Variants in PLD5 observed in about 807,000 individuals in gnomAD.
PLD5 encodes phospholipase D family member 5, also known as inactive phospholipase D5.
In PLD5, 36 loss-of-function variants were observed where a neutral mutation model predicts 61.1. That is an observed-to-expected ratio of 0.59 (90% CI 0.45 to 0.78). The LOEUF is 0.78. PLD5 is among the 30% of genes least tolerant of loss of function. The probability of loss-of-function intolerance (pLI) is 0.00; values close to 1 mark genes in which losing one functional copy is unlikely to be tolerated. For missense variants in PLD5, 515 were observed against 644.4 expected (o/e 0.80, Z 2.17); for synonymous variants, 243 against 242.8 (o/e 1.00, Z -0.01).
At chr1:242,255,283 T>C (rs76447663) in intron 4 of PLD5, among the ~76,000 whole-genome samples, 22 of 152,300 alleles carry the variant, frequency 1.4e-4, no homozygotes, top group Admixed American at 1.3e-3. Flanking sequence ...TACCAAATTA[T>C]ACTTATAAGG....
chr1:242,349,540 T>A (rs576492853), intron 1 of PLD5, among the ~76,000 whole-genome samples: 1 of 152,350 alleles, frequency 6.6e-6, no homozygotes, highest in East Asian at 1.9e-4. Flanking sequence ...TTTTAAAATC[T>A]GAACATAAAC....
At chr1:242,331,468 C>G (rs12074066) in intron 2 of PLD5, among the ~76,000 whole-genome samples, 1,565 of 152,226 alleles carry the variant, frequency 0.01, 16 homozygotes, top group African/African-American at 0.035. Context: ...CTCTGAGAAG[C>G]CTTGTCTTAA....
chr1:242,121,656 G>A (rs891695907), intron 6 of PLD5, among the ~76,000 whole-genome samples: 1 of 152,024 alleles, frequency 6.6e-6, no homozygotes, highest in African/African-American at 2.4e-5. Flanking sequence ...GTTTATTGCG[G>A]CGCTATTCAC....
chr1:242,369,460 A>C (rs2149244805), intron 1 of PLD5, among the ~76,000 whole-genome samples: 1 of 152,318 alleles, frequency 6.6e-6, no homozygotes, highest in Non-Finnish European at 1.5e-5. Context: ...TATTTGTGAA[A>C]AAAATGGGAA....
At chr1:242,500,126 A>G (rs1366869077) in intron 1 of PLD5, among the ~76,000 whole-genome samples, 2 of 152,182 alleles carry the variant, frequency 1.3e-5, no homozygotes, top group African/African-American at 4.8e-5. Flanking sequence ...CACATAGTGT[A>G]GCTTTTGTCA....
At chr1:242,169,392 A>G (rs556276609) in intron 5 of PLD5, among the ~76,000 whole-genome samples, 1 of 152,188 alleles carries the variant, frequency 6.6e-6, no homozygotes, top group Admixed American at 6.5e-5. Context: ...AATCTGAGGA[A>G]CCATGCACTC....
chr1:242,172,726 A>G (rs1053157204), intron 5 of PLD5, among the ~76,000 whole-genome samples: 1 of 152,200 alleles, frequency 6.6e-6, no homozygotes, highest in African/African-American at 2.4e-5. Flanking sequence ...AATACAAACT[A>G]CCATCAGAGA....
intron 5 of PLD5, among the ~76,000 whole-genome samples, chr1:242,138,723 C>A (rs1316330635): frequency 2.0e-5 from 3 of 152,188 alleles, no homozygotes; most frequent in Non-Finnish European, 4.4e-5. Context: ...GGGCTACATC[C>A]CATATCCTCC....
intron 2 of PLD5, among the ~76,000 whole-genome samples, chr1:242,330,216 C>G (rs571257683): frequency 7.2e-5 from 11 of 152,266 alleles, no homozygotes; most frequent in African/African-American, 2.4e-4. Flanking sequence ...CCATGAAGTA[C>G]AAATAGAACT....
chr1:242,279,555 G>A (rs1173389977), intron 3 of PLD5, among the ~76,000 whole-genome samples: 1 of 150,972 alleles, frequency 6.6e-6, no homozygotes, highest in African/African-American at 2.4e-5. Flanking sequence ...TTTTTTTCGA[G>A]ACCGAGTCTT....
intron 1 of PLD5, among the ~76,000 whole-genome samples, chr1:242,451,460 T>TTTTA (rs1491194361): frequency 4.5e-5 from 2 of 44,906 alleles, no homozygotes; most frequent in Non-Finnish European, 8.9e-5. Context: ...TATCAAATTC[T>TTTTA]TTTTTTTTTT....
chr1:242,311,905 C>G lies in PLD5; in HGVS notation c.327-23375G>C, dbSNP rs1484800269. ...GCTCTGTTCATTTTTTTGTTATTCT[C>G]TTTTCTTTTTATTCCTCAGACTCAT... is the stretch of plus-strand genomic sequence containing the variant. On this transcript the variant is annotated intron_variant, in intron 2 of 9. Coordinates refer to ENST00000536534, the MANE Select transcript of PLD5 (RefSeq NM_001372062.1). Among the ~76,000 whole-genome samples, 7 of 98,714 alleles carry G rather than the reference C, an allele frequency of 7.1e-5. No individual in the cohort carries two copies. The Admixed American group carries it at 9.0e-4, about 13-fold the overall frequency. 64.8% of individuals were successfully genotyped at this position (98,714 alleles called of 152,430 possible).
chr1:242,444,685 T>TTTACA (rs1666432546), intron 1 of PLD5, among the ~76,000 whole-genome samples: 1 of 64,370 alleles, frequency 1.6e-5, no homozygotes, highest in Admixed American at 2.0e-4. Flanking sequence ...AATATAAATA[T>TTTACA]TTATATTATA....
chr1:242,255,611 CA>C (rs1672971721), intron 4 of PLD5, among the ~76,000 whole-genome samples: 4 of 152,344 alleles, frequency 2.6e-5, no homozygotes, highest in African/African-American at 9.6e-5. Flanking sequence ...AAAAATTACA[CA>C]TGCTTCTATG....
At chr1:242,512,415 CA>C (rs33990244) in intron 1 of PLD5, among the ~76,000 whole-genome samples, 1,930 of 120,326 alleles carry the variant, frequency 0.016, 20 homozygotes, top group African/African-American at 0.033. Flanking sequence ...GACTCCATCT[CA>C]AAAAAAAAAA....
chr1:242,488,969 T>C (rs988928893), intron 1 of PLD5, among the ~76,000 whole-genome samples: 24 of 152,274 alleles, frequency 1.6e-4, no homozygotes, highest in African/African-American at 5.5e-4. Context: ...CTAGTAATAG[T>C]AGCAACAAGA....
At position 242,083,229 on chromosome 1, in the gene PLD5, T is replaced by A. The variant is rs1659331227; in HGVS notation, c.*6625A>T. ...TTCTGGCTGTGCTTCCTATTCATCA[T>A]TTACTTTCTGGTGTTCAAACTCCCT... On this transcript the variant is annotated 3_prime_UTR_variant, in exon 10 of 10. Transcript: ENST00000536534. 1 of 152,202 alleles carries A rather than the reference T, an allele frequency of 6.6e-6. No homozygotes were observed. The highest frequency in any genetic ancestry group is 2.4e-5 in the African/African-American group (1 of 41,448). 9.4% of individuals were successfully genotyped at this position (152,202 alleles called of 1,614,324 possible). A position where few individuals can be genotyped will look rare whatever the true frequency, so the allele number is the denominator to read the frequency against.
At chr1:242,135,979 C>G (rs77549541) in intron 5 of PLD5, among the ~76,000 whole-genome samples, 2,526 of 152,060 alleles carry the variant, frequency 0.017, 79 homozygotes, top group African/African-American at 0.058. Context: ...TTTAGAGCAG[C>G]CTGTTTCCCT....
At chr1:242,286,594 T>C (rs1675039546) in intron 3 of PLD5, among the ~76,000 whole-genome samples, 2 of 152,132 alleles carry the variant, frequency 1.3e-5, no homozygotes, top group Admixed American at 6.6e-5. Context: ...CCCCTAGAAA[T>C]TGACTGCCCC....
Sources: allele counts gnomAD v4.1 joint callset (sites outside exome capture counted in the v4.1 genomes callset), GRCh38; gene constraint gnomAD v4.1.1; transcripts MANE v1.5; gene names NCBI Gene and HGNC (gene_info 2026-07-23, HGNC 2026-07-21).